COL5A2: variants seen among roughly 807,000 people sequenced by gnomAD.
The protein encoded by COL5A2 is collagen type V alpha 2 chain.
Under a neutral mutation model 208.2 loss-of-function variants are expected in COL5A2, and 23 were observed. That is an observed-to-expected ratio of 0.11 (90% confidence interval 0.08 to 0.16). COL5A2 has a LOEUF of 0.16. COL5A2 is among the 10% of genes least tolerant of loss of function. The pLI is 1.00. For missense variants in COL5A2, 1,590 were observed against 1,956.4 expected (o/e 0.81, Z 3.53); for synonymous variants, 625 against 628.5 (o/e 0.99, Z 0.08).
intron 12 of COL5A2, among the ~76,000 whole-genome samples, chr2:189,082,488 C>G (rs977619492): frequency 6.6e-6 from 1 of 152,194 alleles, no homozygotes; most frequent in Non-Finnish European, 1.5e-5. Flanking sequence ...TGTCTCCTCT[C>G]CATCCTTAGC....
chr2:189,052,893 T>C lies in COL5A2; in HGVS notation c.2661+18A>G. On this transcript the variant is annotated intron_variant, in intron 39 of 53. Coordinates refer to ENST00000374866, the MANE Select transcript of COL5A2 (RefSeq NM_000393.5). The stretch of plus-strand genomic sequence containing the variant: ...TGGGGCACTTGACTCAAGTTATGCC[T>C]TTTTCTTGTTAACTTACATGAGGGC... 6.2e-7 allele frequency: 1 copy of C among 1,612,016 alleles called. No homozygotes were observed. The highest frequency in any genetic ancestry group is 8.5e-7 in the Non-Finnish European group (1 of 1,178,178).
chr2:189,362,260 T>C, the COL5A2 span, among the ~76,000 whole-genome samples: 14 of 152,128 alleles, frequency 9.2e-5, no homozygotes, highest in African/African-American at 3.4e-4. Flanking sequence ...ACCTATATAA[T>C]TTTTAGACAA....
chr2:189,226,095 T>C (rs7587147), upstream of COL5A2, among the ~76,000 whole-genome samples: 3 of 151,934 alleles, frequency 2.0e-5, no homozygotes, highest in South Asian at 6.2e-4. Context: ...AACACTTCAG[T>C]TATGTCCGGA....
At chr2:189,297,147 G>A in the COL5A2 span, among the ~76,000 whole-genome samples, 3 of 152,134 alleles carry the variant, frequency 2.0e-5, no homozygotes, top group Admixed American at 1.3e-4. Flanking sequence ...TTGATTTCCA[G>A]TAACTTCAAA....
intron 18 of COL5A2, 30 bp from the exon 19 acceptor site, chr2:189,068,914 T>A: frequency 6.9e-7 from 1 of 1,447,436 alleles, no homozygotes; most frequent in Non-Finnish European, 9.7e-7. Flanking sequence ...AATGTTAATT[T>A]AAGAAAAATA....
chr2:189,276,570 G>A, the COL5A2 span, among the ~76,000 whole-genome samples: 1 of 152,006 alleles, frequency 6.6e-6, no homozygotes, highest in Non-Finnish European at 1.5e-5. Context: ...ATTATTGTCC[G>A]ATTGCCACAT....
At chr2:189,139,643 T>C (rs1341282692) in intron 1 of COL5A2, among the ~76,000 whole-genome samples, 1 of 152,170 alleles carries the variant, frequency 6.6e-6, no homozygotes. Context: ...AAAATATCAA[T>C]ATTGGCTTAT....
At chr2:189,300,996 G>A in the COL5A2 span, among the ~76,000 whole-genome samples, 1 of 152,112 alleles carries the variant, frequency 6.6e-6, no homozygotes, top group Non-Finnish European at 1.5e-5. Context: ...AGACCACACT[G>A]GGCAACATGG....
chr2:189,411,861 T>G, the COL5A2 span, among the ~76,000 whole-genome samples: 1 of 152,176 alleles, frequency 6.6e-6, no homozygotes, highest in African/African-American at 2.4e-5. Flanking sequence ...AAGTACTAGC[T>G]AACATTTACT....
At chr2:189,360,358 T>G in the COL5A2 span, among the ~76,000 whole-genome samples, 19 of 152,168 alleles carry the variant, frequency 1.2e-4, no homozygotes, top group Non-Finnish European at 2.2e-4. Flanking sequence ...AATAGCAGTT[T>G]CAAGCAAAAA....
chr2:189,045,035 A>T (rs1250247718), intron 47 of COL5A2, 144 bp downstream of exon 47: 3 of 516,184 alleles, frequency 5.8e-6, no homozygotes, highest in Non-Finnish European at 1.0e-5. Context: ...AAAAAATAAG[A>T]GTAAACTTAT....
At chr2:189,087,368 C>A (rs1244878385) in intron 8 of COL5A2, among the ~76,000 whole-genome samples, 2 of 151,910 alleles carry the variant, frequency 1.3e-5, no homozygotes, top group African/African-American at 2.4e-5. Context: ...AGGAAGAAAA[C>A]AAAAATGCGA....
intron 1 of COL5A2, among the ~76,000 whole-genome samples, chr2:189,151,960 C>T (rs1688151667): frequency 6.6e-6 from 1 of 152,166 alleles, no homozygotes; most frequent in Non-Finnish European, 1.5e-5. Context: ...AACTATTATG[C>T]TATTTTGCTT....
the COL5A2 span, among the ~76,000 whole-genome samples, chr2:189,342,638 AAAACAC>A: frequency 4.1e-5 from 3 of 73,208 alleles, no homozygotes; most frequent in Non-Finnish European, 8.1e-5. Flanking sequence ...ACAGAGAGCT[AAAACAC>A]ACACACACAC....
the COL5A2 span, among the ~76,000 whole-genome samples, chr2:189,305,226 G>T: frequency 6.6e-6 from 1 of 152,202 alleles, no homozygotes; most frequent in Non-Finnish European, 1.5e-5. Context: ...AGTAGTTCTG[G>T]TAGGAAATGC....
the COL5A2 span, among the ~76,000 whole-genome samples, chr2:189,386,961 T>C: frequency 1.6e-4 from 24 of 152,232 alleles, 1 homozygote; most frequent in East Asian, 4.6e-3. Context: ...ATTCCATTAC[T>C]GAGTATATAC....
the COL5A2 span, among the ~76,000 whole-genome samples, chr2:189,251,348 T>C: frequency 1.3e-5 from 2 of 152,150 alleles, no homozygotes; most frequent in Admixed American, 1.3e-4. Flanking sequence ...AATTCATTCA[T>C]TCAGCAAATA....
intron 1 of COL5A2, among the ~76,000 whole-genome samples, chr2:189,202,483 A>C (rs950978385): frequency 1.1e-4 from 17 of 152,314 alleles, no homozygotes; most frequent in Admixed American, 1.0e-3. Context: ...TTAGTGAAGA[A>C]GCAGTAAGTA....
chr2:189,159,744 G>A (rs557730267), intron 1 of COL5A2, among the ~76,000 whole-genome samples: 4 of 151,888 alleles, frequency 2.6e-5, no homozygotes, highest in Middle Eastern at 3.4e-3. Context: ...GGCCAGGCAC[G>A]GTGGCTCATG....
Sources: gnomAD v4.1 joint callset for allele counts (sites outside exome capture counted in the v4.1 genomes callset) on GRCh38, gnomAD v4.1.1 for gene constraint, MANE v1.5 for transcripts, NCBI Gene and HGNC (gene_info 2026-07-23, HGNC 2026-07-21) for gene names.